ANKRD7: variants seen among roughly 807,000 people sequenced by gnomAD.
ANKRD7 encodes the protein ankyrin repeat domain-containing protein 7.
A neutral mutation model predicts 30.8 loss-of-function variants in ANKRD7; 30 were observed. The ratio of observed to expected loss-of-function variants is 0.97; its 90% confidence interval spans 0.73 to 1.32. The LOEUF (loss-of-function observed/expected upper bound fraction) is 1.32, where lower values mean the gene tolerates loss of function less well. Among genes scored for constraint, ANKRD7 ranks in the 40% most tolerant of loss-of-function variants. The pLI, the probability that ANKRD7 is intolerant of heterozygous loss-of-function variation, is 0.00. For synonymous variants in ANKRD7, 97 were observed against 106.6 expected, an observed-to-expected ratio of 0.91 and a Z score of 0.55; for missense variants, 264 against 295.7, an observed-to-expected ratio of 0.89 and a Z score of 0.79.
At chr7:118,227,198 GTTTAT>G (rs1348843972) in intron 1 of ANKRD7, among the ~76,000 whole-genome samples, 3 of 151,986 alleles carry the variant, frequency 2.0e-5, no homozygotes, top group Admixed American at 1.3e-4. Context: ...GCTCATAGCA[GTTTAT>G]TTTAAGTTGC....
chr7:118,236,298 G>A (rs896962882), intron 4 of ANKRD7, 151 bp downstream of exon 4: 2 of 504,586 alleles, frequency 4.0e-6, no homozygotes, highest in East Asian at 3.2e-5. Context: ...CCCGTAGGAT[G>A]TATGCTCACA....
At chr7:118,228,974 A>AC (rs1337643305) in intron 1 of ANKRD7, among the ~76,000 whole-genome samples, 2 of 152,132 alleles carry the variant, frequency 1.3e-5, no homozygotes, top group Non-Finnish European at 2.9e-5. Flanking sequence ...TTTCCATCTT[A>AC]CTAGGGGTAA....
intron 1 of ANKRD7, among the ~76,000 whole-genome samples, chr7:118,225,228 T>C (rs1371483355): frequency 6.6e-6 from 1 of 152,146 alleles, no homozygotes; most frequent in African/African-American, 2.4e-5. Context: ...TGCTCACGTC[T>C]GTAATCCTAG....
chr7:118,225,043 G>A (rs1809517806), intron 1 of ANKRD7, 34 bp downstream of exon 1: 1 of 1,610,150 alleles, frequency 6.2e-7, no homozygotes, highest in Non-Finnish European at 8.5e-7. Flanking sequence ...CGGGAGGACG[G>A]GTTGGGGCCT....
rs143260450 is a variant in ANKRD7, at chr7:118,230,563, AATTTT to A, written c.180-3864_180-3860del. ...CAAAATTCATAAAGTTGTACACTTT[AATTTT>A]ATTATAAATTACAACTTGATAAAGC... On this transcript the variant is annotated intron_variant, in intron 1 of 6. Coordinates refer to ENST00000265224, the MANE Select transcript of ANKRD7 (RefSeq NM_019644.4). 2.6e-3 allele frequency among the ~76,000 whole-genome samples: 398 copies of A among 152,188 alleles called. 2 individuals carry two copies. Among genetic ancestry groups the A allele is most frequent in the African/African-American group, 9.1e-3 (377 of 41,548 alleles).
Position 118,237,062 on chromosome 7 carries a change from ATTTTCTCTGTTTGTGGGTTCAATC to A in ANKRD7, c.712+137_712+160del, listed in dbSNP as rs1809742604. ...ATACAAATCTGTGCAGGGATTCTTG[ATTTTCTCTGTTTGTGGGTTCAATC>A]AATATAAGGGCTACAGATGGGCTGA... On this transcript the variant is annotated intron_variant, in intron 5 of 6. Coordinates refer to ENST00000265224, the MANE Select transcript of ANKRD7 (RefSeq NM_019644.4). The A allele has an allele frequency of 3.3e-6, 3 of 912,714 alleles. No individual in the cohort carries two copies. The African/African-American group carries it at 5.0e-5, about 15-fold the overall frequency. The allele number at this position is 912,714 out of a possible 1,614,324, so 56.5% of individuals were successfully genotyped here. A position where few individuals can be genotyped will look rare whatever the true frequency, so the allele number is the denominator to read the frequency against.
At chr7:118,231,592 T>C (rs546647607) in intron 1 of ANKRD7, among the ~76,000 whole-genome samples, 1 of 152,104 alleles carries the variant, frequency 6.6e-6, no homozygotes, top group Non-Finnish European at 1.5e-5. Flanking sequence ...CATCATGAGA[T>C]TCAATTGAAG....
intron 6 of ANKRD7, among the ~76,000 whole-genome samples, chr7:118,240,879 G>A (rs1562874853): frequency 6.6e-6 from 1 of 151,880 alleles, no homozygotes; most frequent in Non-Finnish European, 1.5e-5. Context: ...TATTGGCCGG[G>A]CGCGGTGGCT....
At chr7:118,240,837 A>C (rs974555611) in intron 6 of ANKRD7, among the ~76,000 whole-genome samples, 3 of 152,148 alleles carry the variant, frequency 2.0e-5, no homozygotes, top group African/African-American at 7.2e-5. Flanking sequence ...ACTAAAATAA[A>C]ATTTTGTTAT....
rs202227093 is a variant in ANKRD7, at chr7:118,234,521, T to C, written c.270T>C (p.Ser90=). The change falls in exon 2 of 7, where the codon AGT becomes AGC. Residue 90 remains serine (S), a synonymous_variant. Transcript: ENST00000265224. ...AATGCAAAATAAATGTCCGGGATAG[T>C]GAAAACAAATCCCCATTGATTAAGG... is the stretch of plus-strand genomic sequence containing the variant. ...EQQCKINVRD[S]ENKSPLIKAV... The C allele has an allele frequency of 1.0e-4, 163 of 1,611,858 alleles. No homozygotes were observed. In the Admixed American group the frequency reaches 2.7e-3, roughly 27 times the overall value.
chr7:118,230,651 T>G lies in ANKRD7; in HGVS notation c.180-3780T>G, dbSNP rs527693143. 6.0e-5 allele frequency among the ~76,000 whole-genome samples: 9 copies of G among 148,888 alleles called. No homozygotes were observed. In the East Asian group the frequency reaches 7.8e-4, roughly 13 times the overall value. ...GTTTGAACGTGTGTGTGTGTGTGTG[T>G]AGAGAGAGAGAGAGAGAGATACTGA... On this transcript the variant is annotated intron_variant, in intron 1 of 6. Transcript: ENST00000265224.
intron 1 of ANKRD7, among the ~76,000 whole-genome samples, chr7:118,234,174 A>T (rs542717560): frequency 4.7e-4 from 72 of 152,232 alleles, no homozygotes; most frequent in African/African-American, 1.4e-3. Flanking sequence ...GGTATTTTTT[A>T]AAAAATCTAT....
chr7:118,230,870 A>C (rs1809624697), intron 1 of ANKRD7, among the ~76,000 whole-genome samples: 1 of 152,092 alleles, frequency 6.6e-6, no homozygotes, highest in Admixed American at 6.6e-5. Flanking sequence ...ATTGTGCTTA[A>C]GGTCTCTGAA....
intron 1 of ANKRD7, among the ~76,000 whole-genome samples, chr7:118,230,611 A>T (rs1401511823): frequency 6.6e-6 from 1 of 151,598 alleles, no homozygotes; most frequent in Non-Finnish European, 1.5e-5. Context: ...AAAAAATCTC[A>T]AATTGTATAT....
chr7:118,236,842 CT>C lies in ANKRD7; in HGVS notation c.630del (p.Leu211PhefsTer17), dbSNP rs768665754. ...TGAACCACCATGTTTAGTAAAGCTT[CT>C]TCTTCAGCAAGGTGTGGAATTATGT... is the stretch of plus-strand genomic sequence containing the variant. The part of the protein sequence containing the change: ...SGEPPCLVKL[L>X]LQQGVELCYE... On this transcript the variant is annotated frameshift_variant, in exon 5 of 7. Transcript: ENST00000265224. LOFTEE classifies it high-confidence loss of function. The C allele has an allele frequency of 6.2e-7, 1 of 1,613,968 alleles. No individual in the cohort carries two copies. The highest frequency in any genetic ancestry group is 8.5e-7 in the Non-Finnish European group (1 of 1,179,884).
At chr7:118,228,799 G>A (rs982237202) in intron 1 of ANKRD7, among the ~76,000 whole-genome samples, 1 of 152,002 alleles carries the variant, frequency 6.6e-6, no homozygotes, top group African/African-American at 2.4e-5. Flanking sequence ...ACCTTTATAA[G>A]TACTACCATA....
At position 118,230,633 on chromosome 7, in the gene ANKRD7, C is replaced by T. The variant is rs76433817; in HGVS notation, c.180-3798C>T. 5.4e-3 allele frequency among the ~76,000 whole-genome samples: 803 copies of T among 148,070 alleles called. 24 individuals are homozygous for T. In the East Asian group the frequency reaches 0.085, roughly 16 times the overall value. ...CTCAAATTGTATATTTCTGTTTGAA[C>T]GTGTGTGTGTGTGTGTGTAGAGAGA... On this transcript the variant is annotated intron_variant, in intron 1 of 6. Transcript: ENST00000265224.
chr7:118,241,063 AGAATGGCGT>A (rs1205385042), intron 6 of ANKRD7, among the ~76,000 whole-genome samples: 1 of 145,560 alleles, frequency 6.9e-6, no homozygotes, highest in Non-Finnish European at 1.5e-5. Flanking sequence ...CTGAGGCAGG[AGAATGGCGT>A]GAACCCGGGA....
At chr7:118,234,680 C>A in intron 2 of ANKRD7, 21 bp from the exon 3 acceptor site, 5 of 1,592,782 alleles carry the variant, frequency 3.1e-6, no homozygotes, top group Non-Finnish European at 4.3e-6. Flanking sequence ...GGTTACTCAT[C>A]TACTCTTGTT....
Sources: gnomAD v4.1 joint callset for allele counts (sites outside exome capture counted in the v4.1 genomes callset) on GRCh38, gnomAD v4.1.1 for gene constraint, MANE v1.5 for transcripts, NCBI Gene and HGNC (gene_info 2026-07-23, HGNC 2026-07-21) for gene names.